The following LRRC37B variants were observed in gnomAD, a reference collection of about 807,000 sequenced individuals.
LRRC37B encodes the protein leucine-rich repeat-containing protein 37B.
Under a neutral mutation model 98.3 loss-of-function variants are expected in LRRC37B, and 28 were observed. That is an observed-to-expected ratio of 0.28 (90% CI 0.21 to 0.39). The LOEUF is 0.39. LRRC37B is among the 10% of genes least tolerant of loss of function. LRRC37B has a pLI of 1.00. For synonymous variants in LRRC37B, 364 were observed against 442.7 expected, an observed-to-expected ratio of 0.82 and a Z score of 2.23; for missense variants, 938 against 1,182.7, an observed-to-expected ratio of 0.79 and a Z score of 3.03.
At chr17:32,046,261 A>G (rs1911576600) in intron 8 of LRRC37B, among the ~76,000 whole-genome samples, 2 of 152,196 alleles carry the variant, frequency 1.3e-5, no homozygotes, top group South Asian at 4.1e-4. Context: ...GTTTTATAAG[A>G]GTAGAAGTGA....
At chr17:32,027,397 G>A (rs1376771905) in intron 2 of LRRC37B, among the ~76,000 whole-genome samples, 4 of 151,800 alleles carry the variant, frequency 2.6e-5, no homozygotes, top group African/African-American at 9.7e-5. Flanking sequence ...GCTTGCATGT[G>A]TGTGTGTGCT....
At chr17:32,046,689 G>A (rs1911594889) in intron 8 of LRRC37B, among the ~76,000 whole-genome samples, 1 of 151,160 alleles carries the variant, frequency 6.6e-6, no homozygotes, top group South Asian at 2.1e-4. Context: ...TACAGGTGAG[G>A]AAAAACAAGA....
chr17:32,016,212 A>C (rs1214762726), upstream of LRRC37B, among the ~76,000 whole-genome samples: 1 of 152,188 alleles, frequency 6.6e-6, no homozygotes. Context: ...AGGTCATTCT[A>C]ATTAAAGTAC....
At chr17:32,015,599 G>A (rs1910631867) in intron 1 of LRRC37B, among the ~76,000 whole-genome samples, 1 of 152,120 alleles carries the variant, frequency 6.6e-6, no homozygotes, top group South Asian at 2.1e-4. Context: ...TGAAAACACT[G>A]TAATTTTTTT....
At chr17:32,021,353 G>T in exon 1 of LRRC37B, 1 of 1,613,940 alleles carries the variant, frequency 6.2e-7, no homozygotes, top group South Asian at 1.1e-5. Context: ...CAGCAGCCCC[G>T]GGGGACTTTG....
At chr17:32,022,597 G>A (rs746388152) in exon 1 of LRRC37B, 1 of 1,614,006 alleles carries the variant, frequency 6.2e-7, no homozygotes, top group Non-Finnish European at 8.5e-7. Flanking sequence ...CTGCATCGAA[G>A]CCTGACTGAA....
intron 7 of LRRC37B, among the ~76,000 whole-genome samples, chr17:32,039,683 C>T (rs1212473821): frequency 2.7e-5 from 4 of 148,408 alleles, no homozygotes; most frequent in African/African-American, 7.5e-5. Context: ...GCCACCACCA[C>T]CCCCCACAAT....
intron 6 of LRRC37B, among the ~76,000 whole-genome samples, 184 bp downstream of exon 9, chr17:32,035,165 G>A (rs1208849683): frequency 2.6e-5 from 4 of 152,160 alleles, no homozygotes; most frequent in South Asian, 2.1e-4. Flanking sequence ...GACAGCCAGC[G>A]GGGGAAGAGA....
At chr17:32,011,614 C>T (rs1433845567) in intron 1 of LRRC37B, among the ~76,000 whole-genome samples, 1 of 152,138 alleles carries the variant, frequency 6.6e-6, no homozygotes, top group African/African-American at 2.4e-5. Flanking sequence ...TCTCGTGCCT[C>T]AGCCTCCCGA....
intron 2 of LRRC37B, among the ~76,000 whole-genome samples, chr17:32,026,637 C>A (rs146681325): frequency 3.5e-4 from 53 of 152,224 alleles, no homozygotes; most frequent in African/African-American, 1.2e-3. Flanking sequence ...CCATGTTGGA[C>A]GGGCTGGTCT....
chr17:32,017,503 C>T (rs1446771512), upstream of LRRC37B, among the ~76,000 whole-genome samples: 1 of 152,190 alleles, frequency 6.6e-6, no homozygotes, highest in African/African-American at 2.4e-5. Flanking sequence ...TTCATACATA[C>T]GTTAAAAACT....
intron 1 of LRRC37B, among the ~76,000 whole-genome samples, chr17:32,011,457 C>A (rs1464422811): frequency 6.6e-6 from 1 of 152,180 alleles, no homozygotes; most frequent in Admixed American, 6.5e-5. Flanking sequence ...CCTTGGCCTC[C>A]CAAAGTGCTG....
chr17:32,026,729 A>G (rs578197290), intron 2 of LRRC37B, among the ~76,000 whole-genome samples: 94 of 152,348 alleles, frequency 6.2e-4, no homozygotes, highest in Non-Finnish European at 1.1e-3. Flanking sequence ...AGGCCAGGCC[A>G]GGACTACATT....
chr17:32,022,713 C>T, exon 1 of LRRC37B: 1 of 1,614,052 alleles, frequency 6.2e-7, no homozygotes, highest in Non-Finnish European at 8.5e-7. Context: ...CATATGTGAG[C>T]TCTGCACCTG....
At chr17:32,053,431 T>C (rs1450910749) in exon 12 of LRRC37B, 1 of 700,464 alleles carries the variant, frequency 1.4e-6, no homozygotes, top group Non-Finnish European at 2.4e-6. Context: ...TACTTTGTGG[T>C]TGTGTTCCTC....
chr17:32,022,748 T>C (rs1271576475), exon 1 of LRRC37B: 2 of 1,613,916 alleles, frequency 1.2e-6, no homozygotes, highest in South Asian at 1.1e-5. Flanking sequence ...TGTCATGTGT[T>C]GGTCTCAGCC....
At chr17:32,016,263 G>A (rs17780086), upstream of LRRC37B, among the ~76,000 whole-genome samples, 14,955 of 152,164 alleles carry the variant, frequency 0.098, 1,007 homozygotes, top group Middle Eastern at 0.15. Context: ...GGTAATAACC[G>A]ATCAGGTGGT....
At chr17:32,010,217 C>T (rs1304411771) in intron 1 of LRRC37B, among the ~76,000 whole-genome samples, 2 of 152,194 alleles carry the variant, frequency 1.3e-5, no homozygotes, top group Non-Finnish European at 2.9e-5. Flanking sequence ...AAATATTCAG[C>T]CTTGCTGTCC....
chr17:32,007,952 G>A, upstream of LRRC37B: 1 of 544,798 alleles, frequency 1.8e-6, no homozygotes, highest in Non-Finnish European at 2.9e-6. This position sits in a 1 kb window ranked among gnomAD's most constrained non-coding sequence, Gnocchi z 4.1. Context: ...TGATGACTAC[G>A]AGAGCGAGGA....
Sources: gnomAD v4.1 joint callset for allele counts (sites outside exome capture counted in the v4.1 genomes callset) on GRCh38, gnomAD v4.1.1 for gene constraint, Gnocchi (gnomAD v3.1) non-coding constraint, MANE v1.5 for transcripts, NCBI Gene and HGNC (gene_info 2026-07-23, HGNC 2026-07-21) for gene names.